Variants in RALYL observed in about 807,000 individuals in gnomAD.
RALYL encodes the protein RALY RNA binding protein like.
A neutral mutation model predicts 35.1 loss-of-function variants in RALYL; 29 were observed. The observed-to-expected ratio is 0.83, with a 90% CI of 0.61 to 1.13. The LOEUF is 1.13. Among genes scored for constraint, RALYL ranks in the 50% most tolerant of loss-of-function variants. The probability of loss-of-function intolerance (pLI) is 0.00; values close to 1 mark genes in which losing one functional copy is unlikely to be tolerated. For missense variants in RALYL, 359 were observed against 360.4 expected (o/e 1.00, Z 0.03); for synonymous variants, 120 against 127.6 (o/e 0.94, Z 0.40).
chr8:84,310,669 C>T lies in RALYL; in HGVS notation c.-24+126245C>T, dbSNP rs537173107. Among the ~76,000 whole-genome samples the T allele has an allele frequency of 1.2e-4, 18 of 152,186 alleles. 1 individual carries two copies. The South Asian group carries it at 2.7e-3, about 23-fold the overall frequency. Reference sequence around the variant, plus strand: ...GTGAAATATGAATTTGAGGAGAAAACATAGTTATCTGTGGATTGTCATAAC... The same window carrying T: ...GTGAAATATGAATTTGAGGAGAAAATATAGTTATCTGTGGATTGTCATAAC... On this transcript the variant is annotated intron_variant, in intron 1 of 8. Coordinates refer to ENST00000521268, the MANE Select transcript of RALYL (RefSeq NM_173848.7).
intron 1 of RALYL, among the ~76,000 whole-genome samples, chr8:84,300,424 AT>A (rs1241828264): frequency 6.6e-6 from 1 of 151,746 alleles, no homozygotes; most frequent in African/African-American, 2.4e-5. Context: ...GTTGTTTTTG[AT>A]TGGAGAGTTT....
At chr8:84,592,481 T>A in intron 2 of RALYL, among the ~76,000 whole-genome samples, 1 of 152,154 alleles carries the variant, frequency 6.6e-6, no homozygotes, top group South Asian at 2.1e-4. Flanking sequence ...ATATATAGTT[T>A]AAATTTCCTT....
chr8:84,319,424 C>T (rs1476407727), intron 1 of RALYL, among the ~76,000 whole-genome samples: 2 of 151,994 alleles, frequency 1.3e-5, no homozygotes, highest in Non-Finnish European at 2.9e-5. Context: ...TTAAAACAAC[C>T]TAAAGTGCAT....
chr8:84,474,103 C>T (rs1432057010), intron 1 of RALYL, among the ~76,000 whole-genome samples: 1 of 152,076 alleles, frequency 6.6e-6, no homozygotes, highest in African/African-American at 2.4e-5. Flanking sequence ...TTTACTTGCT[C>T]TTTCAAAAAT....
intron 1 of RALYL, among the ~76,000 whole-genome samples, chr8:84,469,070 C>A (rs1422874826): frequency 6.6e-6 from 1 of 152,096 alleles, no homozygotes; most frequent in Non-Finnish European, 1.5e-5. Flanking sequence ...AAGTTTTCAA[C>A]TTCTTTGCCT....
chr8:84,597,342 T>G (rs1814803939), intron 2 of RALYL, among the ~76,000 whole-genome samples: 1 of 152,128 alleles, frequency 6.6e-6, no homozygotes, highest in Admixed American at 6.6e-5. Context: ...TCCAGAAAAC[T>G]TACATAGATT....
chr8:84,349,940 C>A (rs972089856), intron 1 of RALYL, among the ~76,000 whole-genome samples: 3 of 150,324 alleles, frequency 2.0e-5, no homozygotes, highest in African/African-American at 7.4e-5. Flanking sequence ...GACACCACTG[C>A]ACAACTCCCA....
At chr8:84,576,821 G>T (rs759973857) in intron 2 of RALYL, among the ~76,000 whole-genome samples, 1 of 152,122 alleles carries the variant, frequency 6.6e-6, no homozygotes, top group South Asian at 2.1e-4. Flanking sequence ...CCACAAATAC[G>T]TCTTACCTCC....
At chr8:84,806,728 T>C (rs756642178) in intron 4 of RALYL, among the ~76,000 whole-genome samples, 12 of 152,206 alleles carry the variant, frequency 7.9e-5, no homozygotes, top group Non-Finnish European at 1.5e-4. Context: ...AATGTTTCTG[T>C]TCCCTCAAGA....
At chr8:84,746,609 G>C (rs116407309) in intron 2 of RALYL, among the ~76,000 whole-genome samples, 3 of 151,800 alleles carry the variant, frequency 2.0e-5, no homozygotes, top group Non-Finnish European at 2.9e-5. Flanking sequence ...ATATTTTCTC[G>C]TAACTTGTGA....
intron 1 of RALYL, among the ~76,000 whole-genome samples, chr8:84,329,815 G>A (rs1022989129): frequency 6.6e-6 from 1 of 151,952 alleles, no homozygotes; most frequent in African/African-American, 2.4e-5. Flanking sequence ...CCATACTATA[G>A]AACTATTTAT....
At chr8:84,649,589 G>A (rs1828256759) in intron 2 of RALYL, among the ~76,000 whole-genome samples, 1 of 152,052 alleles carries the variant, frequency 6.6e-6, no homozygotes, top group African/African-American at 2.4e-5. Flanking sequence ...TCAGATAGTT[G>A]TAGATATGCG....
intron 1 of RALYL, among the ~76,000 whole-genome samples, chr8:84,425,009 C>G (rs2046187704): frequency 6.6e-6 from 1 of 152,078 alleles, no homozygotes; most frequent in Non-Finnish European, 1.5e-5. Context: ...TTTTGTTTGT[C>G]TGTGCCCTGC....
intron 1 of RALYL, among the ~76,000 whole-genome samples, chr8:84,367,309 A>G (rs917008641): frequency 9.5e-5 from 8 of 84,258 alleles, no homozygotes; most frequent in Non-Finnish European, 2.5e-5. Context: ...CTGCCCAACT[A>G]ATTTTTGTAT....
intron 4 of RALYL, among the ~76,000 whole-genome samples, chr8:84,832,862 G>A (rs1446001527): frequency 2.0e-5 from 3 of 151,962 alleles, no homozygotes; most frequent in African/African-American, 4.8e-5. Context: ...TCCATTTTAC[G>A]ATTCTATTCT....
intron 2 of RALYL, among the ~76,000 whole-genome samples, chr8:84,615,517 A>G (rs1174041887): frequency 6.7e-6 from 1 of 148,152 alleles, no homozygotes; most frequent in Non-Finnish European, 1.5e-5. Context: ...TAAACAGTGT[A>G]CTACAAATAT....
intron 1 of RALYL, among the ~76,000 whole-genome samples, chr8:84,516,659 C>G (rs1182572254): frequency 1.3e-5 from 2 of 152,208 alleles, no homozygotes; most frequent in East Asian, 3.9e-4. Flanking sequence ...GACTTCACAC[C>G]TTTCTCCACT....
intron 2 of RALYL, among the ~76,000 whole-genome samples, chr8:84,634,314 G>A (rs1799951322): frequency 6.6e-6 from 1 of 151,608 alleles, no homozygotes. Flanking sequence ...CTGTCTTTGT[G>A]TCTGCCTTTC....
chr8:84,386,609 A>G (rs1859253868), intron 1 of RALYL, among the ~76,000 whole-genome samples: 2 of 151,782 alleles, frequency 1.3e-5, no homozygotes, highest in African/African-American at 4.8e-5. Flanking sequence ...GAGGTTCAAG[A>G]GTTCACAGAT....
Sources: gnomAD v4.1 joint callset for allele counts (sites outside exome capture counted in the v4.1 genomes callset) on GRCh38, gnomAD v4.1.1 for gene constraint, MANE v1.5 for transcripts, NCBI Gene and HGNC (gene_info 2026-07-23, HGNC 2026-07-21) for gene names.